The following STT3B variants were observed in gnomAD, a reference collection of about 807,000 sequenced individuals.
STT3B encodes dolichyl-diphosphooligosaccharide--protein glycosyltransferase subunit STT3B.
Under a neutral mutation model 96.8 loss-of-function variants are expected in STT3B, and 29 were observed. That is an observed-to-expected ratio of 0.30 (90% confidence interval 0.22 to 0.41). The LOEUF (loss-of-function observed/expected upper bound fraction) is 0.41. STT3B is among the 10% of genes least tolerant of loss of function. STT3B has a pLI of 1.00. For synonymous variants in STT3B, 367 were observed against 360.0 expected (o/e 1.02, Z -0.22); for missense variants, 640 against 1,022.3 (o/e 0.63, Z 5.10).
At chr3:31,566,409 C>T (rs942956940) in intron 1 of STT3B, among the ~76,000 whole-genome samples, 1 of 152,000 alleles carries the variant, frequency 6.6e-6, no homozygotes, top group East Asian at 1.9e-4. Flanking sequence ...AGTGTCCTGC[C>T]GCAAAGGAGT....
At position 31,533,103 on chromosome 3, in the gene STT3B, G is replaced by A. The variant is rs778319774; in HGVS notation, c.105G>A (p.Gly35=). 7.0e-6 allele frequency: 10 copies of A among 1,437,168 alleles called. No individual in the cohort carries two copies. The African/African-American group carries it at 8.9e-5, about 13-fold the overall frequency. The allele number at this position is 1,437,168 out of a possible 1,614,324, so 89.0% of individuals were successfully genotyped here. Residue 35 remains glycine, a synonymous_variant, in exon 1 of 16, where the codon GGG becomes GGA. Transcript: ENST00000295770. The part of the protein sequence containing the change: ...ALGNSRHGHH[G]PGAQCAHKAA... ...GAAACAGCCGGCACGGCCACCACGG[G>A]CCCGGGGCCCAGTGCGCGCACAAGG...
chr3:31,539,134 T>A (rs1414531598), intron 1 of STT3B, among the ~76,000 whole-genome samples: 1 of 152,118 alleles, frequency 6.6e-6, no homozygotes, highest in African/African-American at 2.4e-5. Context: ...ATGAAAAACA[T>A]CTAAACATGT....
At chr3:31,536,720 A>T (rs532803046) in intron 1 of STT3B, among the ~76,000 whole-genome samples, 14 of 152,334 alleles carry the variant, frequency 9.2e-5, no homozygotes, top group African/African-American at 3.4e-4. Flanking sequence ...TAACAATTTG[A>T]CTTCACTTTA....
intron 1 of STT3B, among the ~76,000 whole-genome samples, chr3:31,570,350 T>G (rs1698107976): frequency 6.6e-6 from 1 of 152,176 alleles, no homozygotes. Context: ...TGAGGTGAAC[T>G]TCAGTAGAGG....
At chr3:31,550,740 G>A (rs867615803) in intron 1 of STT3B, among the ~76,000 whole-genome samples, 6 of 152,020 alleles carry the variant, frequency 3.9e-5, no homozygotes, top group African/African-American at 7.2e-5. Context: ...GACAGTGCTC[G>A]TGTGTATCAC....
intron 1 of STT3B, among the ~76,000 whole-genome samples, chr3:31,544,886 G>A (rs1327187830): frequency 6.6e-6 from 1 of 152,042 alleles, no homozygotes; most frequent in African/African-American, 2.4e-5. Context: ...GCAGTGAGCC[G>A]AGATTGCACC....
intron 5 of STT3B, among the ~76,000 whole-genome samples, 175 bp downstream of exon 5, chr3:31,600,634 A>G (rs1698907707): frequency 6.6e-6 from 1 of 152,088 alleles, no homozygotes; most frequent in Non-Finnish European, 1.5e-5. Flanking sequence ...GTGCTTTGTC[A>G]TCAACTTTTC....
intron 1 of STT3B, among the ~76,000 whole-genome samples, chr3:31,575,159 G>T (rs1157406736): frequency 6.6e-6 from 1 of 152,052 alleles, no homozygotes; most frequent in Non-Finnish European, 1.5e-5. Flanking sequence ...TTTTACAAAT[G>T]AAGAAACTAG....
At chr3:31,576,002 A>G (rs780306887) in intron 1 of STT3B, among the ~76,000 whole-genome samples, 7 of 151,774 alleles carry the variant, frequency 4.6e-5, no homozygotes, top group East Asian at 1.9e-4. Context: ...TTTTAGTGCT[A>G]TTATAGTTTA....
At chr3:31,543,084 A>AAAAAGC (rs1448155068) in intron 1 of STT3B, among the ~76,000 whole-genome samples, 1 of 150,374 alleles carries the variant, frequency 6.7e-6, no homozygotes, top group Non-Finnish European at 1.5e-5. Context: ...AAAAAAAAAA[A>AAAAAGC]GAGAAAGAAA....
chr3:31,554,803 C>T (rs1697663341), intron 1 of STT3B, among the ~76,000 whole-genome samples: 1 of 152,124 alleles, frequency 6.6e-6, no homozygotes, highest in Non-Finnish European at 1.5e-5. Context: ...CCTCTATTTT[C>T]TCTAAGATTT....
chr3:31,627,365 C>G (rs1313735676), intron 13 of STT3B, among the ~76,000 whole-genome samples: 1 of 152,206 alleles, frequency 6.6e-6, no homozygotes, highest in Non-Finnish European at 1.5e-5. Context: ...GGAACAGTTT[C>G]ATCTAGAAAC....
At chr3:31,602,623 T>C (rs976713805) in intron 5 of STT3B, among the ~76,000 whole-genome samples, 56 of 151,752 alleles carry the variant, frequency 3.7e-4, no homozygotes, top group African/African-American at 1.3e-3. Flanking sequence ...TTCAAAGGAT[T>C]AGAATTTGAG....
chr3:31,539,045 C>T (rs905156148), intron 1 of STT3B, among the ~76,000 whole-genome samples: 1 of 152,054 alleles, frequency 6.6e-6, no homozygotes, highest in Non-Finnish European at 1.5e-5. Flanking sequence ...GTATGTTAAT[C>T]TGCATTTGTA....
chr3:31,578,752 A>T (rs1698313551), intron 2 of STT3B, among the ~76,000 whole-genome samples: 1 of 151,856 alleles, frequency 6.6e-6, no homozygotes, highest in Non-Finnish European at 1.5e-5. Flanking sequence ...ATTTTTCTGG[A>T]TGCTGGGGAA....
intron 3 of STT3B, among the ~76,000 whole-genome samples, chr3:31,588,841 T>A (rs1226318628): frequency 6.6e-6 from 1 of 152,060 alleles, no homozygotes; most frequent in African/African-American, 2.4e-5. Flanking sequence ...CTGTGCTCTG[T>A]TCTGTTCTGC....
At chr3:31,557,061 A>G (rs1478683635) in intron 1 of STT3B, among the ~76,000 whole-genome samples, 1 of 152,174 alleles carries the variant, frequency 6.6e-6, no homozygotes, top group African/African-American at 2.4e-5. Context: ...AATTTTGCAT[A>G]AAGGGAGAGA....
At chr3:31,601,440 C>T (rs1698925876) in intron 5 of STT3B, among the ~76,000 whole-genome samples, 1 of 152,050 alleles carries the variant, frequency 6.6e-6, no homozygotes, top group East Asian at 1.9e-4. Flanking sequence ...TGTAAAAAAG[C>T]CAGACATAAA....
chr3:31,599,503 C>T (rs1458551212), intron 4 of STT3B, among the ~76,000 whole-genome samples: 1 of 152,146 alleles, frequency 6.6e-6, no homozygotes, highest in African/African-American at 2.4e-5. Context: ...AAACTGATGG[C>T]AGTTCTCCAC....
Sources: allele counts gnomAD v4.1 joint callset (sites outside exome capture counted in the v4.1 genomes callset), GRCh38; gene constraint gnomAD v4.1.1; transcripts MANE v1.5; gene names NCBI Gene and HGNC (gene_info 2026-07-23, HGNC 2026-07-21).